FBXW11: variants seen among roughly 807,000 people sequenced by gnomAD.
The protein encoded by FBXW11 is F-box/WD repeat-containing protein 11.
Under a neutral mutation model 77.6 loss-of-function variants are expected in FBXW11, and 19 were observed. The ratio of observed to expected loss-of-function variants is 0.24; its 90% CI spans 0.17 to 0.36. FBXW11 has a LOEUF of 0.36. FBXW11 is among the 10% of genes least tolerant of loss of function. The pLI, the probability that FBXW11 is intolerant of heterozygous loss-of-function variation, is 1.00. For synonymous variants in FBXW11, 235 were observed against 249.4 expected, an observed-to-expected ratio of 0.94 and a Z score of 0.54; for missense variants, 334 against 704.2, an observed-to-expected ratio of 0.47 and a Z score of 5.95.
intron 2 of FBXW11, among the ~76,000 whole-genome samples, chr5:171,946,135 T>C (rs1293131432): frequency 6.6e-6 from 1 of 152,216 alleles, no homozygotes; most frequent in Non-Finnish European, 1.5e-5. Flanking sequence ...AGGATAAATT[T>C]TGCCTCCAGG....
chr5:171,925,711 T>A (rs1370453336), intron 2 of FBXW11, among the ~76,000 whole-genome samples: 1 of 152,186 alleles, frequency 6.6e-6, no homozygotes, highest in East Asian at 1.9e-4. Flanking sequence ...GGTTTTTTAA[T>A]GGTATTTACT....
rs542789292 is a variant in FBXW11 at position 171,922,292 on chromosome 5, G to A, written c.148-7887C>T. ...AAGTAGAAAAATCTAAATATATTCCGCCAATTATTACTTGCTATAAATTCC... is the reference window on the plus strand; with the variant it reads ...AAGTAGAAAAATCTAAATATATTCCACCAATTATTACTTGCTATAAATTCC... On this transcript the variant is annotated intron_variant, in intron 2 of 13. Transcript: ENST00000517395. Among the ~76,000 whole-genome samples the A allele has an allele frequency of 8.2e-4, 125 of 152,140 alleles. 1 individual carries two copies. The South Asian group carries it at 0.021, about 26-fold the overall frequency.
chr5:171,995,764 AT>A (rs1237913460), intron 1 of FBXW11, among the ~76,000 whole-genome samples: 2 of 152,112 alleles, frequency 1.3e-5, no homozygotes, highest in South Asian at 2.1e-4. Context: ...AAAAAAAAAA[AT>A]CATATTAAAT....
chr5:171,867,785 T>C (rs993609897), intron 13 of FBXW11: 3 of 152,212 alleles, frequency 2.0e-5, no homozygotes, highest in African/African-American at 4.8e-5. Flanking sequence ...TTTAAATAAA[T>C]ACAAATTTTA....
At chr5:171,986,770 T>A (rs771550305) in intron 1 of FBXW11, among the ~76,000 whole-genome samples, 10 of 151,778 alleles carry the variant, frequency 6.6e-5, no homozygotes, top group Non-Finnish European at 2.9e-5. Context: ...ACATAAAATA[T>A]GTTTGTGAAG....
chr5:171,964,258 A>C (rs1029339303), intron 1 of FBXW11, among the ~76,000 whole-genome samples: 2 of 152,236 alleles, frequency 1.3e-5, no homozygotes, highest in African/African-American at 4.8e-5. Flanking sequence ...ACCAGGCCCT[A>C]CTGATAGAAT....
chr5:171,894,125 G>A (rs1196301348), intron 6 of FBXW11, among the ~76,000 whole-genome samples: 1 of 152,090 alleles, frequency 6.6e-6, no homozygotes, highest in Non-Finnish European at 1.5e-5. Flanking sequence ...ACTACACAGA[G>A]GAGCCAGGGT....
rs942891100 is a variant in FBXW11 at position 171,861,602 on chromosome 5, G to A, written c.*2525C>T. On this transcript the variant is annotated 3_prime_UTR_variant, in exon 14 of 14. Transcript: ENST00000517395. ...TATTGGCTTTGAATCAGTAGCTGAA[G>A]TAACAATTGCATGAAGCCAGATTAG... 3.9e-5 allele frequency: 6 copies of A among 152,624 alleles called. No homozygotes were observed. The highest frequency in any genetic ancestry group is 1.4e-4 in the African/African-American group (6 of 41,446). The allele number at this position is 152,624 out of a possible 1,614,324, so 9.5% of individuals were successfully genotyped here.
At position 171,873,096 on chromosome 5, in the gene FBXW11, A is replaced by C. The variant is rs936523178; in HGVS notation, c.1222-106T>G. 10 of 899,772 alleles carry C rather than the reference A, an allele frequency of 1.1e-5. No individual in the cohort carries two copies. In the African/African-American group the frequency reaches 1.3e-4, roughly 12 times the overall value. The allele number at this position is 899,772 out of a possible 1,614,324, so 55.7% of individuals were successfully genotyped here. On this transcript the variant is annotated intron_variant, in intron 9 of 13. Transcript: ENST00000517395. Reference sequence around the variant, plus strand: ...CTTCTGATAATGACCCAAATATGTGATTATAAAATACGGTGTCCTCTAACT... The same window carrying C: ...CTTCTGATAATGACCCAAATATGTGCTTATAAAATACGGTGTCCTCTAACT...
intron 1 of FBXW11, among the ~76,000 whole-genome samples, chr5:171,966,773 A>G (rs746323510): frequency 8.5e-5 from 13 of 152,212 alleles, no homozygotes; most frequent in Non-Finnish European, 1.6e-4. Context: ...TCTCAACCCT[A>G]AGTTTAATCT....
At chr5:171,893,443 A>AAAAAAAAAAAAC (rs1581161758) in intron 6 of FBXW11, among the ~76,000 whole-genome samples, 1 of 149,732 alleles carries the variant, frequency 6.7e-6, no homozygotes, top group East Asian at 2.0e-4. Context: ...AAAAAAAAAA[A>AAAAAAAAAAAAC]AAAACTAACC....
chr5:171,881,038 C>A (rs1260355342), intron 7 of FBXW11, among the ~76,000 whole-genome samples: 3 of 152,186 alleles, frequency 2.0e-5, no homozygotes, highest in Non-Finnish European at 2.9e-5. Flanking sequence ...TTGTTCATTG[C>A]TGCTATATGG....
At chr5:171,929,778 G>A (rs1370592959) in intron 2 of FBXW11, among the ~76,000 whole-genome samples, 1 of 151,824 alleles carries the variant, frequency 6.6e-6, no homozygotes. Flanking sequence ...CATGAACCCG[G>A]GAGGCGGAGG....
chr5:171,958,400 A>G (rs1561722176), intron 1 of FBXW11, among the ~76,000 whole-genome samples: 1 of 152,216 alleles, frequency 6.6e-6, no homozygotes, highest in Non-Finnish European at 1.5e-5. Flanking sequence ...CAAAAAGAAC[A>G]AGAAAGATGG....
At chr5:171,932,152 G>A (rs992187566) in intron 2 of FBXW11, among the ~76,000 whole-genome samples, 3 of 152,024 alleles carry the variant, frequency 2.0e-5, no homozygotes, top group Admixed American at 6.6e-5. Flanking sequence ...TGGGATTATA[G>A]GTGTGAGCCA....
intron 1 of FBXW11, among the ~76,000 whole-genome samples, chr5:172,004,775 G>C (rs570348588): frequency 2.0e-5 from 3 of 151,786 alleles, no homozygotes; most frequent in Non-Finnish European, 4.4e-5. Context: ...AAAAGTTACA[G>C]AATACCAAAC....
intron 1 of FBXW11, among the ~76,000 whole-genome samples, chr5:172,005,937 A>G (rs1423101965): frequency 6.6e-6 from 1 of 152,044 alleles, no homozygotes; most frequent in Admixed American, 6.5e-5. Context: ...CCAGCTCTGT[A>G]GGGCCTATCC....
chr5:171,945,728 C>CA (rs1455518075), intron 2 of FBXW11, among the ~76,000 whole-genome samples: 6 of 152,194 alleles, frequency 3.9e-5, no homozygotes, highest in Non-Finnish European at 8.8e-5. Flanking sequence ...ACCGAGGCTC[C>CA]AAAGTCCAAA....
At chr5:171,928,644 C>CAT in intron 2 of FBXW11, among the ~76,000 whole-genome samples, 1 of 152,304 alleles carries the variant, frequency 6.6e-6, no homozygotes, top group East Asian at 1.9e-4. Flanking sequence ...TAAAAACACT[C>CAT]AGATAACTTC....
Sources: allele counts gnomAD v4.1 joint callset (sites outside exome capture counted in the v4.1 genomes callset), GRCh38; gene constraint gnomAD v4.1.1; transcripts MANE v1.5; gene names NCBI Gene and HGNC (gene_info 2026-07-23, HGNC 2026-07-21).